The following NGLY1 variants were observed in gnomAD, a reference collection of about 807,000 sequenced individuals.
NGLY1 encodes the protein N-glycanase 1, also known as peptide-N(4)-(N-acetyl-beta-glucosaminyl)asparagine amidase.
NGLY1 carries 68 observed loss-of-function variants against 84.6 expected under a neutral mutation model. The ratio of observed to expected loss-of-function variants is 0.80; its 90% CI spans 0.66 to 0.98. NGLY1 has a LOEUF of 0.98. Ranked by LOEUF, NGLY1 falls within the 50% of genes least tolerant of loss-of-function variation. The probability of loss-of-function intolerance (pLI) is 0.00; values close to 1 mark genes in which losing one functional copy is unlikely to be tolerated. For missense variants in NGLY1, 779 were observed against 770.2 expected (o/e 1.01, Z -0.14); for synonymous variants, 280 against 275.2 (o/e 1.02, Z -0.17).
At chr3:25,788,997 G>GA (rs1346732628) in intron 1 of NGLY1, among the ~76,000 whole-genome samples, 1 of 152,232 alleles carries the variant, frequency 6.6e-6, no homozygotes, top group African/African-American at 2.4e-5. Context: ...GCATTGCCCA[G>GA]AAAAAACCAT....
intron 3 of NGLY1, among the ~76,000 whole-genome samples, chr3:25,761,615 G>A (rs1006032588): frequency 1.3e-5 from 2 of 152,142 alleles, no homozygotes; most frequent in African/African-American, 4.8e-5. Flanking sequence ...TGATGATAAA[G>A]TAAAATGGTA....
rs78882879 is a variant in NGLY1, at chr3:25,781,566, G to A, written c.131+1694C>T. 6.1e-3 allele frequency among the ~76,000 whole-genome samples: 929 copies of A among 152,284 alleles called. 8 individuals carry two copies. Among genetic ancestry groups the A allele is most frequent in the African/African-American group, 0.021 (893 of 41,548 alleles). On this transcript the variant is annotated intron_variant, in intron 1 of 11. Coordinates refer to ENST00000280700, the MANE Select transcript of NGLY1 (RefSeq NM_018297.4). ...TAATTTCTCAGCATTATTCCAGTGT[G>A]TCCACTATCCTTTGCGCTCATTGTC...
At chr3:25,780,967 T>C (rs561741869) in intron 1 of NGLY1, among the ~76,000 whole-genome samples, 9 of 152,318 alleles carry the variant, frequency 5.9e-5, no homozygotes, top group African/African-American at 2.2e-4. Flanking sequence ...CTTTAGTTTC[T>C]AGTGAGCATT....
chr3:25,776,446 G>A (rs972695161), intron 2 of NGLY1, among the ~76,000 whole-genome samples: 6 of 152,120 alleles, frequency 3.9e-5, no homozygotes, highest in Non-Finnish European at 7.4e-5. Flanking sequence ...CTTGAACAAG[G>A]AATTTTAAAT....
At chr3:25,745,587 G>A (rs1276350488) in intron 4 of NGLY1, among the ~76,000 whole-genome samples, 3 of 152,082 alleles carry the variant, frequency 2.0e-5, no homozygotes, top group African/African-American at 7.2e-5. Context: ...TATACATGAT[G>A]CCTTATCCTA....
intron 1 of NGLY1, chr3:25,782,944 C>G (rs1318568155): frequency 3.2e-6 from 1 of 311,282 alleles, no homozygotes; most frequent in South Asian, 3.7e-5. Context: ...GCGGCAGTGT[C>G]TGAAGCACGC....
intron 3 of NGLY1, chr3:25,755,518 C>T: frequency 7.0e-7 from 1 of 1,433,250 alleles, no homozygotes; most frequent in Non-Finnish European, 9.8e-7. Context: ...AAACCAGTTC[C>T]TGCAATAACT....
Position 25,751,091 on chromosome 3 carries a change from C to T in NGLY1, c.658+7G>A, listed in dbSNP as rs752709827. On this transcript the variant is annotated splice_region_variant and intron_variant, in intron 4 of 11. Transcript: ENST00000280700. ...TTTAGCAATAAATGATTATGTAAAGCTACTACCTTTATCCAATTTTCTAGC... is the reference window on the plus strand; with the variant it reads ...TTTAGCAATAAATGATTATGTAAAGTTACTACCTTTATCCAATTTTCTAGC... The T allele has an allele frequency of 6.2e-7, 1 of 1,606,922 alleles. No homozygotes were observed. The highest frequency in any genetic ancestry group is 8.5e-7 in the Non-Finnish European group (1 of 1,176,418).
At chr3:25,719,975 A>G in intron 11 of NGLY1, 39 bp downstream of exon 11, 2 of 1,551,940 alleles carry the variant, frequency 1.3e-6, no homozygotes, top group Non-Finnish European at 1.8e-6. Context: ...AGAGTGGTAA[A>G]TATATATTTC....
intron 10 of NGLY1, 37 bp from the exon 11 acceptor site, chr3:25,720,228 G>A: frequency 3.9e-6 from 6 of 1,520,428 alleles, no homozygotes; most frequent in Middle Eastern, 3.5e-4. Context: ...GGAACTGTCA[G>A]AAAAAATGAA....
chr3:25,755,475 G>C, intron 3 of NGLY1: 1 of 1,461,732 alleles, frequency 6.8e-7, no homozygotes, highest in Middle Eastern at 1.7e-4. Context: ...AGATTTAACA[G>C]TGCAGATTCC....
intron 5 of NGLY1, among the ~76,000 whole-genome samples, 184 bp from the exon 6 acceptor site, chr3:25,737,639 T>A (rs916105560): frequency 1.3e-5 from 2 of 151,148 alleles, no homozygotes; most frequent in Non-Finnish European, 2.9e-5. Context: ...GCCTCCCAGG[T>A]TCAAGTGATT....
intron 2 of NGLY1, among the ~76,000 whole-genome samples, chr3:25,766,814 C>T (rs889096773): frequency 6.6e-6 from 1 of 152,052 alleles, no homozygotes; most frequent in Non-Finnish European, 1.5e-5. Context: ...TCAGACAGGG[C>T]CCCAGTAAGA....
intron 4 of NGLY1, among the ~76,000 whole-genome samples, chr3:25,748,719 A>C (rs2125506389): frequency 6.6e-6 from 1 of 152,308 alleles, no homozygotes; most frequent in South Asian, 2.1e-4. Context: ...CTCTCTACTC[A>C]TAAAAGTGAG....
chr3:25,768,075 T>C (rs1314377270), intron 2 of NGLY1, among the ~76,000 whole-genome samples: 1 of 118,614 alleles, frequency 8.4e-6, no homozygotes, highest in Non-Finnish European at 1.6e-5. Context: ...ATCGCACCAC[T>C]ACACTCCAGG....
chr3:25,789,890 AT>A lies in NGLY1; in HGVS notation c.-26del, dbSNP rs1240929537. 11 of 1,551,556 alleles carry A rather than the reference AT, an allele frequency of 7.1e-6. No homozygotes were observed. In the African/African-American group the frequency reaches 1.5e-4, roughly 21 times the overall value. On this transcript the variant is annotated 5_prime_UTR_variant, in exon 1 of 12. Coordinates refer to the NGLY1 transcript ENST00000417874. ...TCGCGTTATTGGCAGGTCCTCGATT[AT>A]CGGCGAGTCACTGAGGTTCCGAGAG...
chr3:25,757,438 G>A (rs1012078757), intron 3 of NGLY1, among the ~76,000 whole-genome samples: 3 of 152,112 alleles, frequency 2.0e-5, no homozygotes, highest in Non-Finnish European at 4.4e-5. Context: ...GTAAGGGTTC[G>A]ACTGGTATAC....
At chr3:25,761,232 C>T (rs1411886019) in intron 3 of NGLY1, among the ~76,000 whole-genome samples, 2 of 152,174 alleles carry the variant, frequency 1.3e-5, no homozygotes, top group East Asian at 3.9e-4. Flanking sequence ...GTAAAAAGTA[C>T]TAAATGTATA....
intron 4 of NGLY1, among the ~76,000 whole-genome samples, chr3:25,748,874 T>C (rs1013587584): frequency 4.6e-5 from 7 of 151,862 alleles, no homozygotes; most frequent in Non-Finnish European, 1.0e-4. Context: ...CACATACCAA[T>C]GATTAAACTG....
Sources: gnomAD v4.1 joint callset for allele counts (sites outside exome capture counted in the v4.1 genomes callset) on GRCh38, gnomAD v4.1.1 for gene constraint, MANE v1.5 for transcripts, NCBI Gene and HGNC (gene_info 2026-07-23, HGNC 2026-07-21) for gene names.